The following MPZL1 variants were observed in gnomAD, a reference collection of about 807,000 sequenced individuals.
The protein encoded by MPZL1 is myelin protein zero-like protein 1.
A neutral mutation model predicts 29.3 loss-of-function variants in MPZL1; 16 were observed. The ratio of observed to expected loss-of-function variants is 0.55; its 90% CI spans 0.37 to 0.83. The LOEUF (loss-of-function observed/expected upper bound fraction) is 0.83. Ranked by LOEUF, MPZL1 falls within the 40% of genes least tolerant of loss-of-function variation. The pLI is 0.00. For missense variants in MPZL1, 279 were observed against 332.9 expected (o/e 0.84, Z 1.26); for synonymous variants, 143 against 132.0 (o/e 1.08, Z -0.57).
intron 1 of MPZL1, among the ~76,000 whole-genome samples, chr1:167,741,673 C>T (rs1220967842): frequency 6.6e-6 from 1 of 152,088 alleles, no homozygotes; most frequent in African/African-American, 2.4e-5. Flanking sequence ...TATTCCCCTC[C>T]ACTCCATTTT....
chr1:167,772,602 G>T, intron 3 of MPZL1, 114 bp downstream of exon 3: 1 of 933,924 alleles, frequency 1.1e-6, no homozygotes, highest in Non-Finnish European at 1.6e-6. Flanking sequence ...TTGCCATACA[G>T]TTGTGCTCCC....
In MPZL1 at chr1:167,765,656, G is replaced by A; in HGVS notation, c.165G>A (p.Lys55=). The A allele has an allele frequency of 1.2e-6, 2 of 1,613,756 alleles. No homozygotes were observed. The highest frequency in any genetic ancestry group is 1.7e-6 in the Non-Finnish European group (2 of 1,179,764). The change falls in exon 2 of 6, where the codon AAG becomes AAA. Residue 55 remains lysine, a synonymous_variant. Coordinates refer to ENST00000359523, the MANE Select transcript of MPZL1 (RefSeq NM_003953.6). The part of the protein sequence containing the change: ...EIFVANGTQG[K]LTCKFKSTST... ...TCGTGGCAAATGGTACACAAGGGAAGCTGACCTGCAAGTTCAAGTCTACTA... is the reference window on the plus strand; with the variant it reads ...TCGTGGCAAATGGTACACAAGGGAAACTGACCTGCAAGTTCAAGTCTACTA...
At chr1:167,777,574 TAGAG>T (rs58644497) in intron 5 of MPZL1, among the ~76,000 whole-genome samples, 27,687 of 151,966 alleles carry the variant, frequency 0.18, 2,983 homozygotes, top group East Asian at 0.36. Context: ...GAAGGAACCA[TAGAG>T]AGAGCGTGCT....
At chr1:167,750,671 T>C (rs1269946501) in intron 1 of MPZL1, among the ~76,000 whole-genome samples, 2 of 152,214 alleles carry the variant, frequency 1.3e-5, no homozygotes, top group African/African-American at 4.8e-5. Context: ...ACTAAGGACA[T>C]CATGTTATAT....
At chr1:167,779,369 G>A (rs995506283) in intron 5 of MPZL1, among the ~76,000 whole-genome samples, 14 of 152,026 alleles carry the variant, frequency 9.2e-5, no homozygotes, top group Non-Finnish European at 5.9e-5. Flanking sequence ...TGGATCACCT[G>A]AGGTCAGGAG....
intron 1 of MPZL1, among the ~76,000 whole-genome samples, chr1:167,737,824 A>G (rs966425547): frequency 6.6e-6 from 1 of 152,248 alleles, no homozygotes; most frequent in Non-Finnish European, 1.5e-5. Flanking sequence ...TGGATCTTAA[A>G]GAGATTTCCT....
rs994249066 is a variant in MPZL1 at position 167,791,853 on chromosome 1, G to A, written c.*3932G>A. On this transcript the variant is annotated 3_prime_UTR_variant, in exon 6 of 6. Transcript: ENST00000359523. ...TTAACCTCAGTCTGGAAGACAATGT[G>A]GTGACTTAATTTGTTGAGAACTATG... is the stretch of plus-strand genomic sequence containing the variant. 2 of 152,088 alleles carry A rather than the reference G, an allele frequency of 1.3e-5. No individual in the cohort carries two copies. The highest frequency in any genetic ancestry group is 2.9e-5 in the Non-Finnish European group (2 of 68,000). The allele number at this position is 152,088 out of a possible 1,614,324, so 9.4% of individuals were successfully genotyped here.
At chr1:167,776,277 C>T in intron 5 of MPZL1, 111 bp downstream of exon 5, 1 of 674,314 alleles carries the variant, frequency 1.5e-6, no homozygotes, top group Non-Finnish European at 2.4e-6. Context: ...GAGACAGAGA[C>T]AGACAGACAG....
intron 1 of MPZL1, among the ~76,000 whole-genome samples, chr1:167,727,361 A>T (rs1660169261): frequency 6.6e-6 from 1 of 152,194 alleles, no homozygotes; most frequent in African/African-American, 2.4e-5. Context: ...TATATCTTTT[A>T]TCTGAGAATT....
At chr1:167,779,368 T>C (rs1451114983) in intron 5 of MPZL1, among the ~76,000 whole-genome samples, 4 of 151,970 alleles carry the variant, frequency 2.6e-5, no homozygotes, top group African/African-American at 9.7e-5. Flanking sequence ...GTGGATCACC[T>C]GAGGTCAGGA....
chr1:167,768,354 C>A (rs573083440), intron 2 of MPZL1, among the ~76,000 whole-genome samples: 115 of 152,018 alleles, frequency 7.6e-4, no homozygotes, highest in African/African-American at 2.7e-3. Context: ...TAAGCTGTAC[C>A]CCATTTTTAC....
chr1:167,775,954 T>C, intron 4 of MPZL1, 110 bp from the exon 5 acceptor site: 3 of 633,290 alleles, frequency 4.7e-6, no homozygotes, highest in Non-Finnish European at 7.4e-6. Flanking sequence ...TCTTTTGTTT[T>C]TATATATCTG....
chr1:167,729,955 A>G (rs1660228788), intron 1 of MPZL1, among the ~76,000 whole-genome samples: 1 of 152,202 alleles, frequency 6.6e-6, no homozygotes. Flanking sequence ...TTGAGACTCA[A>G]TTTCCAAAGC....
intron 5 of MPZL1, 86 bp from the exon 6 acceptor site, chr1:167,787,734 A>G: frequency 2.1e-6 from 2 of 963,442 alleles, no homozygotes; most frequent in South Asian, 2.8e-5. Flanking sequence ...CCCTGATGTG[A>G]TCACGTTAAT....
intron 1 of MPZL1, among the ~76,000 whole-genome samples, chr1:167,752,785 A>G (rs1159879386): frequency 6.6e-6 from 1 of 152,236 alleles, no homozygotes; most frequent in Non-Finnish European, 1.5e-5. Flanking sequence ...ATTTAAGGGC[A>G]GGTTGGTTTC....
Position 167,724,891 on chromosome 1 carries a change from G to A in MPZL1, c.91+2649G>A, listed in dbSNP as rs556715546. Among the ~76,000 whole-genome samples, 13 of 152,280 alleles carry A rather than the reference G, an allele frequency of 8.5e-5. No homozygotes were observed. In the South Asian group the frequency reaches 1.0e-3, roughly 12 times the overall value. On this transcript the variant is annotated intron_variant, in intron 1 of 5. Coordinates refer to ENST00000359523, the MANE Select transcript of MPZL1 (RefSeq NM_003953.6). The stretch of plus-strand genomic sequence containing the variant: ...AAGAACATAGCAGAGAGCCAAAGAC[G>A]GAGTTTTGGGGTATATGAAACCTGA...
At chr1:167,744,844 A>G (rs374483329) in intron 1 of MPZL1, among the ~76,000 whole-genome samples, 2 of 152,198 alleles carry the variant, frequency 1.3e-5, no homozygotes, top group African/African-American at 4.8e-5. Context: ...GAGTAAGATC[A>G]AAACAGAATA....
At chr1:167,778,768 G>T (rs1184643727) in intron 5 of MPZL1, among the ~76,000 whole-genome samples, 1 of 151,150 alleles carries the variant, frequency 6.6e-6, no homozygotes, top group Non-Finnish European at 1.5e-5. Context: ...ATCTAAAACA[G>T]ACCAAAATGG....
At chr1:167,741,183 A>ATTT (rs1161469215) in intron 1 of MPZL1, among the ~76,000 whole-genome samples, 5 of 130,250 alleles carry the variant, frequency 3.8e-5, no homozygotes, top group East Asian at 2.3e-4. Flanking sequence ...CGCCTGGCTA[A>ATTT]TTTTTTTTTT....
Sources: allele counts gnomAD v4.1 joint callset (sites outside exome capture counted in the v4.1 genomes callset), GRCh38; gene constraint gnomAD v4.1.1; transcripts MANE v1.5; gene names NCBI Gene and HGNC (gene_info 2026-07-23, HGNC 2026-07-21).